FGF13: variants seen among roughly 807,000 people sequenced by gnomAD.
The protein encoded by FGF13 is fibroblast growth factor 13.
Under a neutral mutation model 19.5 loss-of-function variants are expected in FGF13, and 2 were observed. That is an observed-to-expected ratio of 0.10 (90% CI 0.04 to 0.32). The LOEUF is 0.32. Ranked by LOEUF, FGF13 falls within the 10% of genes least tolerant of loss-of-function variation. The probability of loss-of-function intolerance (pLI) is 1.00; values close to 1 mark genes in which losing one functional copy is unlikely to be tolerated. For synonymous variants in FGF13, 72 were observed against 76.9 expected (o/e 0.94, Z 0.33); for missense variants, 113 against 192.7 (o/e 0.59, Z 2.45).
chrX:138,780,802 GC>G (rs927521395), intron 3 of FGF13, among the ~76,000 whole-genome samples: 1 of 110,873 alleles, frequency 9.0e-6, no homozygotes, highest in Non-Finnish European at 1.9e-5. Context: ...ACTCACCTCT[GC>G]ACCAAGCGGA....
chrX:138,658,670 G>C (rs1327408934), intron 3 of FGF13, among the ~76,000 whole-genome samples: 5 of 111,535 alleles, frequency 4.5e-5, no homozygotes, highest in Non-Finnish European at 7.5e-5. Flanking sequence ...CTAATGGAGA[G>C]GAATCTCTGG....
At chrX:139,030,393 C>A (rs931123311) in intron 1 of FGF13, among the ~76,000 whole-genome samples, 8 of 111,373 alleles carry the variant, frequency 7.2e-5, no homozygotes, top group African/African-American at 2.6e-4. Context: ...TCAAATAATT[C>A]ACCAGTATTT....
intron 3 of FGF13, among the ~76,000 whole-genome samples, chrX:138,846,699 T>C (rs2091186147): frequency 8.9e-6 from 1 of 112,159 alleles, no homozygotes; most frequent in Non-Finnish European, 1.9e-5. Context: ...CTCAAGTATT[T>C]CTTTATAGCA....
At chrX:138,778,221 G>A (rs2090605010) in intron 3 of FGF13, among the ~76,000 whole-genome samples, 1 of 109,489 alleles carries the variant, frequency 9.1e-6, no homozygotes, top group African/African-American at 3.3e-5. Context: ...ATATGAAAAG[G>A]TGCTTAACAT....
chrX:138,726,005 G>A (rs968909996), intron 1 of FGF13, among the ~76,000 whole-genome samples: 8 of 110,938 alleles, frequency 7.2e-5, no homozygotes, highest in Non-Finnish European at 1.3e-4. Context: ...TGGGGTTTGA[G>A]TATCAGTTTT....
At chrX:138,912,125 C>T (rs970281475) in intron 1 of FGF13, among the ~76,000 whole-genome samples, 1 of 111,266 alleles carries the variant, frequency 9.0e-6, no homozygotes, top group African/African-American at 3.3e-5. Flanking sequence ...TCCATAATTC[C>T]TTTAAAATCC....
intron 1 of FGF13, among the ~76,000 whole-genome samples, chrX:138,725,107 T>C (rs1292517335): frequency 8.9e-6 from 1 of 112,139 alleles, no homozygotes; most frequent in Admixed American, 9.5e-5. Flanking sequence ...CAATATGTTT[T>C]ACAACTTACA....
At chrX:139,107,488 G>C (rs1311341562) in intron 1 of FGF13, among the ~76,000 whole-genome samples, 1 of 111,970 alleles carries the variant, frequency 8.9e-6, no homozygotes, top group Non-Finnish European at 1.9e-5. Context: ...ATCAGGTTAT[G>C]AAAGCTGACC....
intron 1 of FGF13, among the ~76,000 whole-genome samples, chrX:138,928,287 A>C (rs1289579099): frequency 2.7e-5 from 3 of 110,293 alleles, no homozygotes; most frequent in Non-Finnish European, 5.7e-5. Flanking sequence ...AATTTTAATA[A>C]ATACATAATT....
chrX:138,636,091 T>C (rs781154807), intron 3 of FGF13, among the ~76,000 whole-genome samples: 1 of 112,349 alleles, frequency 8.9e-6, no homozygotes. Context: ...TACACTATGG[T>C]TGTCAATTGC....
intron 1 of FGF13, among the ~76,000 whole-genome samples, chrX:139,121,486 A>G (rs987785860): frequency 9.0e-6 from 1 of 111,071 alleles, no homozygotes; most frequent in Non-Finnish European, 1.9e-5. Flanking sequence ...TGCAGCCTCC[A>G]ACTCCTGTGC....
chrX:139,161,394 A>G (rs1214766283), intron 1 of FGF13, among the ~76,000 whole-genome samples: 4 of 111,854 alleles, frequency 3.6e-5, no homozygotes, highest in Non-Finnish European at 7.5e-5. Flanking sequence ...ATCATAATGA[A>G]TGGGCAAAAG....
At position 138,711,442 on chromosome X, in the gene FGF13, C is replaced by T; in HGVS notation, c.-439G>A. The T allele has an allele frequency of 5.8e-6, 4 of 692,122 alleles. No homozygotes were observed. The highest frequency in any genetic ancestry group is 6.9e-6 in the Non-Finnish European group (4 of 581,011). 57.0% of individuals were successfully genotyped at this position (692,122 alleles called of 1,213,427 possible). A position where few individuals can be genotyped will look rare whatever the true frequency, so the allele number is the denominator to read the frequency against. ...GAGGGAGGCGGGCGGAGGGAGTGAG[C>T]GCGGGCGGGAGAGAGGCCGGGAGCT... On this transcript the variant is annotated 5_prime_UTR_variant, in exon 1 of 5. Coordinates refer to ENST00000315930, the MANE Select transcript of FGF13 (RefSeq NM_004114.5).
At chrX:139,066,048 T>A in intron 1 of FGF13, among the ~76,000 whole-genome samples, 1 of 111,483 alleles carries the variant, frequency 9.0e-6, no homozygotes, top group Non-Finnish European at 1.9e-5. Context: ...ACATGGAAAC[T>A]GAACAACCAG....
At chrX:138,682,336 C>G (rs958130486) in intron 3 of FGF13, among the ~76,000 whole-genome samples, 13 of 112,218 alleles carry the variant, frequency 1.2e-4, no homozygotes, top group Middle Eastern at 4.3e-3. Flanking sequence ...ATTTACAGTA[C>G]CCACACAAGT....
At chrX:139,016,684 C>T (rs941421584) in intron 1 of FGF13, among the ~76,000 whole-genome samples, 2 of 111,607 alleles carry the variant, frequency 1.8e-5, no homozygotes, top group African/African-American at 3.3e-5. Flanking sequence ...CTTGAGATGA[C>T]AGTCTGTGAG....
chrX:138,814,084 GAAAGT>G (rs1020197682), intron 3 of FGF13, among the ~76,000 whole-genome samples: 4 of 110,554 alleles, frequency 3.6e-5, no homozygotes, highest in Admixed American at 9.8e-5. Flanking sequence ...TAAAGGAAAG[GAAAGT>G]AGACTTGAAG....
intron 3 of FGF13, among the ~76,000 whole-genome samples, chrX:138,839,073 G>A (rs1245675541): frequency 1.8e-5 from 2 of 111,366 alleles, no homozygotes; most frequent in Non-Finnish European, 3.8e-5. Context: ...CCTCATGAAT[G>A]AATTAATACC....
At chrX:139,137,598 G>A (rs2083810742) in intron 1 of FGF13, among the ~76,000 whole-genome samples, 1 of 111,997 alleles carries the variant, frequency 8.9e-6, no homozygotes, top group African/African-American at 3.3e-5. Flanking sequence ...CCAGCCTAGT[G>A]ATGAGTAGTT....
Sources: gnomAD v4.1 joint callset for allele counts (sites outside exome capture counted in the v4.1 genomes callset) on GRCh38, gnomAD v4.1.1 for gene constraint, MANE v1.5 for transcripts, NCBI Gene and HGNC (gene_info 2026-07-23, HGNC 2026-07-21) for gene names.